HUWE1: variants seen among roughly 807,000 people sequenced by gnomAD.
HUWE1 encodes HECT, UBA and WWE domain containing E3 ubiquitin protein ligase 1.
In HUWE1, 18 loss-of-function variants were observed where a neutral mutation model predicts 299.4. The observed-to-expected ratio is 0.06, with a 90% CI of 0.04 to 0.09. The LOEUF (loss-of-function observed/expected upper bound fraction) is 0.09. Ranked by LOEUF, HUWE1 falls within the 10% of genes least tolerant of loss-of-function variation. The pLI, the probability that HUWE1 is intolerant of heterozygous loss-of-function variation, is 1.00. For synonymous variants in HUWE1, 1,317 were observed against 1,286.1 expected, an observed-to-expected ratio of 1.02 and a Z score of -0.51; for missense variants, 1,832 against 3,462.3, an observed-to-expected ratio of 0.53 and a Z score of 11.82.
chrX:53,623,931 A>G (rs782260860), intron 19 of HUWE1, among the ~76,000 whole-genome samples: 34 of 112,415 alleles, frequency 3.0e-4, no homozygotes, highest in African/African-American at 1.1e-3. Flanking sequence ...CTCCTACTAA[A>G]TTCCTTTAGC....
At chrX:53,587,551 A>C (rs1200691882) in intron 37 of HUWE1, among the ~76,000 whole-genome samples, 5 of 112,319 alleles carry the variant, frequency 4.5e-5, no homozygotes, top group Non-Finnish European at 9.4e-5. Flanking sequence ...ACACTAAAAG[A>C]AAATACAAGA....
At chrX:53,538,722 ACACTCTCTCTCT>A (rs1172471016) in intron 76 of HUWE1, 101 bp downstream of exon 76, 96 of 439,954 alleles carry the variant, frequency 2.2e-4, no homozygotes, top group East Asian at 1.0e-3. Flanking sequence ...ACACACACAC[ACACTCTCTCTCT>A]CTCTCTCTCT....
intron 68 of HUWE1, among the ~76,000 whole-genome samples, chrX:53,547,193 A>G (rs1400504188): frequency 3.6e-5 from 4 of 111,988 alleles, no homozygotes; most frequent in East Asian, 2.8e-4. Flanking sequence ...ACTTCTTCAG[A>G]TAATTCTTTC....
intron 63 of HUWE1, 46 bp from the exon 64 acceptor site, chrX:53,551,526 G>T: frequency 9.2e-7 from 1 of 1,084,754 alleles, no homozygotes; most frequent in Non-Finnish European, 1.3e-6. Context: ...CTTATTAATT[G>T]CTTGAGACGG....
At chrX:53,625,340 G>T (rs1386984413) in intron 17 of HUWE1, 82 bp from the exon 18 acceptor site, 3 of 616,247 alleles carry the variant, frequency 4.9e-6, no homozygotes, top group Non-Finnish European at 8.5e-6. Context: ...AAAATTTTAA[G>T]AGATCCAAAT....
At chrX:53,541,970 C>T (rs1265160225) in intron 74 of HUWE1, among the ~76,000 whole-genome samples, 1 of 111,889 alleles carries the variant, frequency 8.9e-6, no homozygotes, top group African/African-American at 3.3e-5. Flanking sequence ...CACCTGAGGT[C>T]AGGAGTTTGA....
chrX:53,565,238 G>C lies in HUWE1; in HGVS notation c.6709C>G (p.Pro2237Ala). 1 of 1,204,868 alleles carries C rather than the reference G, an allele frequency of 8.3e-7. No homozygotes were observed. The highest frequency in any genetic ancestry group is 1.1e-6 in the Non-Finnish European group (1 of 890,349). Reference protein sequence around the residue: ...RVPHSLDLSSPNMANTVNAAL... With the variant: ...RVPHSLDLSSANMANTVNAAL... Reference sequence around the variant, plus strand: ...GCATTGACTGTGTTGGCCATGTTGGGACTGAGATAAGGGAAGATAAAGAGA... The same window carrying C: ...GCATTGACTGTGTTGGCCATGTTGGCACTGAGATAAGGGAAGATAAAGAGA... Residue 2237 changes from proline to alanine, a missense_variant and splice_region_variant, in exon 50 of 84, where the codon CCC (proline) becomes GCC (alanine). By Grantham distance (27) the Pro-to-Ala change is conservative. Coordinates refer to ENST00000262854, the MANE Select transcript of HUWE1 (RefSeq NM_031407.7).
chrX:53,584,221 T>C lies in HUWE1; in HGVS notation c.5126A>G (p.Glu1709Gly). The change falls in exon 41 of 84, where the codon GAA becomes GGA. Residue 1709 changes from glutamate to glycine, a missense_variant. Physicochemically the swap from Glu to Gly is moderately conservative, Grantham distance 98. Around this residue, in one of 15 missense-constraint regions of HUWE1, gnomAD observed 46 missense variants for 42.6 expected, o/e 1.08. Coordinates refer to ENST00000262854, the MANE Select transcript of HUWE1 (RefSeq NM_031407.7). ...ATTTTCTTTACGTTTGATATCCATT[T>C]CTTTGCTTTCTTCCAGCGTCTTCTC... Reference protein sequence around the residue: ...ELEKTLEESKEMDIKRKENKG... With the variant: ...ELEKTLEESKGMDIKRKENKG... 1 of 1,209,227 alleles carries C rather than the reference T, an allele frequency of 8.3e-7. No homozygotes were observed. Among genetic ancestry groups the C allele is most frequent in the Non-Finnish European group, 1.1e-6 (1 of 893,254 alleles).
intron 6 of HUWE1, among the ~76,000 whole-genome samples, chrX:53,646,546 T>C (rs987327892): frequency 8.9e-5 from 10 of 112,026 alleles, no homozygotes; most frequent in Non-Finnish European, 1.3e-4. Context: ...TAGCTAGAAA[T>C]GAACCAAGGC....
At chrX:53,535,145 G>C (rs1556911155) in intron 81 of HUWE1, among the ~76,000 whole-genome samples, 1 of 111,087 alleles carries the variant, frequency 9.0e-6, no homozygotes. Flanking sequence ...ATGTTGGCCA[G>C]GCTGGTCTCA....
At chrX:53,622,774 A>G (rs1415267653) in intron 19 of HUWE1, among the ~76,000 whole-genome samples, 10 of 112,041 alleles carry the variant, frequency 8.9e-5, no homozygotes, top group Non-Finnish European at 1.1e-4. Context: ...TAGTTCAACA[A>G]AAATAAACCC....
chrX:53,606,549 A>C (rs901066184), intron 25 of HUWE1, among the ~76,000 whole-genome samples: 3 of 112,128 alleles, frequency 2.7e-5, no homozygotes, highest in Non-Finnish European at 5.6e-5. Flanking sequence ...ATTATTATTC[A>C]CAACAGCCAA....
intron 7 of HUWE1, among the ~76,000 whole-genome samples, chrX:53,643,354 TC>T (rs1280756474): frequency 9.0e-6 from 1 of 110,800 alleles, no homozygotes; most frequent in Admixed American, 9.6e-5. Flanking sequence ...CCAATCATTT[TC>T]TTTTTTTTTT....
At chrX:53,544,996 C>A in intron 71 of HUWE1, 33 bp downstream of exon 71, 1 of 1,203,787 alleles carries the variant, frequency 8.3e-7, no homozygotes, top group South Asian at 1.8e-5. Flanking sequence ...ATCCCAGATT[C>A]AAGCCCCCAG....
At chrX:53,661,008 T>A (rs1379581272) in intron 3 of HUWE1, among the ~76,000 whole-genome samples, 1 of 110,205 alleles carries the variant, frequency 9.1e-6, no homozygotes, top group African/African-American at 3.3e-5. Flanking sequence ...GACTACCAAG[T>A]CCATGCTTTA....
In HUWE1 at chrX:53,544,595, C is replaced by T. The variant is rs782183494; in HGVS notation, c.11216G>A (p.Arg3739Gln). Residue 3739 changes from arginine to glutamine, a missense_variant, in exon 72 of 84, where the codon CGG becomes CAG. Physicochemically the swap from Arg to Gln is conservative, Grantham distance 43. This residue lies in a region of HUWE1 where 41 missense variants were observed against 124.0 expected (regional missense o/e 0.33). Transcript: ENST00000262854. ...VIIQLRDDTRRANKKAKQTGR... is the reference protein window; with the variant it reads ...VIIQLRDDTRQANKKAKQTGR... ...TGTCTGCTTGGCTTTCTTGTTAGCC[C>T]GGCGCGTGTCGTCCCGGAGCTGGAT... is the stretch of plus-strand genomic sequence containing the variant. 3.3e-6 allele frequency: 4 copies of T among 1,205,354 alleles called. No individual in the cohort carries two copies. The highest frequency in any genetic ancestry group is 3.0e-5 in the East Asian group (1 of 33,636).
At chrX:53,678,087 T>C (rs1206888961) in intron 3 of HUWE1, among the ~76,000 whole-genome samples, 1 of 112,363 alleles carries the variant, frequency 8.9e-6, no homozygotes, top group African/African-American at 3.2e-5. Context: ...GGTACATTCA[T>C]AATAAATTAA....
intron 3 of HUWE1, among the ~76,000 whole-genome samples, chrX:53,670,710 G>A (rs1340391399): frequency 8.9e-6 from 1 of 111,852 alleles, no homozygotes; most frequent in Non-Finnish European, 1.9e-5. Flanking sequence ...TTAAAGAAAT[G>A]TAAGAAGCCG....
chrX:53,625,871 G>A (rs782770984), intron 17 of HUWE1: 11 of 268,643 alleles, frequency 4.1e-5, no homozygotes, highest in African/African-American at 1.4e-4. Context: ...GGCCGGGGCC[G>A]GGGCCGGGGC....
Sources: gnomAD v4.1 joint callset for allele counts (sites outside exome capture counted in the v4.1 genomes callset) on GRCh38, gnomAD v4.1.1 for gene constraint, gnomAD v4.1.1 regional missense constraint, MANE v1.5 for transcripts, NCBI Gene and HGNC (gene_info 2026-07-23, HGNC 2026-07-21) for gene names.